The following FOXRED2 variants were observed in gnomAD, a reference collection of about 807,000 sequenced individuals.
FOXRED2 encodes FAD dependent oxidoreductase domain containing 2.
Under a neutral mutation model 52.5 loss-of-function variants are expected in FOXRED2, and 32 were observed. The ratio of observed to expected loss-of-function variants is 0.61; its 90% CI spans 0.46 to 0.82. The LOEUF (loss-of-function observed/expected upper bound fraction) is 0.82. FOXRED2 is among the 40% of genes least tolerant of loss of function. The probability of loss-of-function intolerance (pLI) is 0.00; values close to 1 mark genes in which losing one functional copy is unlikely to be tolerated. For synonymous variants in FOXRED2, 405 were observed against 398.1 expected, an observed-to-expected ratio of 1.02 and a Z score of -0.21; for missense variants, 848 against 937.5, an observed-to-expected ratio of 0.90 and a Z score of 1.25.
At chr22:36,495,123 G>A (rs909982268) in intron 7 of FOXRED2, among the ~76,000 whole-genome samples, 10 of 151,986 alleles carry the variant, frequency 6.6e-5, no homozygotes, top group African/African-American at 2.4e-4. Context: ...GCTAATTTTT[G>A]CATTTTTTTC....
intron 5 of FOXRED2, chr22:36,498,357 G>A: frequency 1.7e-6 from 1 of 588,426 alleles, no homozygotes; most frequent in Non-Finnish European, 3.0e-6. Flanking sequence ...GTATTTTCTG[G>A]AAAGGGCCAG....
intron 5 of FOXRED2, chr22:36,498,519 G>T: frequency 5.2e-6 from 1 of 193,378 alleles, no homozygotes; most frequent in South Asian, 1.3e-4. Context: ...CCTGCTTCAG[G>T]CCATCTGCAC....
intron 2 of FOXRED2, 105 bp from the exon 3 acceptor site, chr22:36,504,871 C>T: frequency 8.1e-7 from 1 of 1,237,790 alleles, no homozygotes; most frequent in South Asian, 1.5e-5. Context: ...GCTCCAACCG[C>T]CGGCCCCTAA....
Position 36,504,574 on chromosome 22 carries a change from A to G in FOXRED2, c.720T>C (p.His240=), listed in dbSNP as rs754544412. Residue 240 remains histidine, a synonymous_variant, in exon 3 of 9, where the codon CAT becomes CAC. Coordinates refer to ENST00000397224, the MANE Select transcript of FOXRED2 (RefSeq NM_001102371.2). ...ENILGVTNFI[H]MLSRSRVRLS... ...GACGGACCCGGGAGCGGCTGAGCATATGGATAAAGTTTGTGACACCCAAGA... is the reference window on the plus strand; with the variant it reads ...GACGGACCCGGGAGCGGCTGAGCATGTGGATAAAGTTTGTGACACCCAAGA... The G allele has an allele frequency of 6.2e-7, 1 of 1,614,176 alleles. No homozygotes were observed. Among genetic ancestry groups the G allele is most frequent in the Non-Finnish European group, 8.5e-7 (1 of 1,180,030 alleles).
intron 6 of FOXRED2, among the ~76,000 whole-genome samples, chr22:36,497,727 A>AC (rs1163970111): frequency 2.0e-5 from 3 of 152,046 alleles, no homozygotes; most frequent in African/African-American, 7.2e-5. Context: ...TCCTTCCTTT[A>AC]CTGCTGCAAG....
intron 7 of FOXRED2, 102 bp from the exon 8 acceptor site, chr22:36,493,905 G>T (rs893445624): frequency 9.9e-7 from 1 of 1,010,604 alleles, no homozygotes; most frequent in Non-Finnish European, 1.5e-6. Flanking sequence ...CACTTCCCTC[G>T]TTCACTCGTG....
intron 6 of FOXRED2, among the ~76,000 whole-genome samples, chr22:36,497,262 C>G (rs1933925400): frequency 6.6e-6 from 1 of 151,550 alleles, no homozygotes; most frequent in Admixed American, 6.6e-5. Flanking sequence ...AGTGCTTGAA[C>G]CCAGGAGGCA....
chr22:36,506,630 A>G (rs1934207960), intron 1 of FOXRED2: 1 of 492,686 alleles, frequency 2.0e-6, no homozygotes, highest in African/African-American at 2.4e-5. Flanking sequence ...CCTCCATCTT[A>G]TCTCCCTCAG....
Position 36,498,051 on chromosome 22 carries a change from T to C in FOXRED2, c.1322A>G (p.Asn441Ser), listed in dbSNP as rs761795678. The change falls in exon 6 of 9, where the codon AAT becomes AGT. Residue 441 changes from asparagine to serine, a missense_variant. Coordinates refer to ENST00000397224, the MANE Select transcript of FOXRED2 (RefSeq NM_001102371.2). Reference protein sequence around the residue: ...QLTSSIVRRVNEASGLYQMFG... With the variant: ...QLTSSIVRRVSEASGLYQMFG... ...CATCTGGTAGAGCCCAGAAGCCTCA[T>C]TCACGCGCCGCACGATGGAGCTGGT... 3 of 1,614,114 alleles carry C rather than the reference T, an allele frequency of 1.9e-6. No homozygotes were observed. Among genetic ancestry groups the C allele is most frequent in the Admixed American group, 1.7e-5 (1 of 60,020 alleles).
chr22:36,499,452 C>T (rs1008078898), intron 5 of FOXRED2, among the ~76,000 whole-genome samples: 4 of 151,848 alleles, frequency 2.6e-5, no homozygotes, highest in African/African-American at 9.7e-5. Flanking sequence ...CTTGTCTCTA[C>T]CACACAAAAA....
chr22:36,505,014 T>C (rs769298124), intron 2 of FOXRED2, among the ~76,000 whole-genome samples: 4 of 152,070 alleles, frequency 2.6e-5, no homozygotes, highest in Non-Finnish European at 4.4e-5. Flanking sequence ...GTACTGGGGG[T>C]TAAATTTGCC....
chr22:36,502,209 G>A (rs1264297884), intron 4 of FOXRED2, among the ~76,000 whole-genome samples: 1 of 150,366 alleles, frequency 6.7e-6, no homozygotes, highest in Non-Finnish European at 1.5e-5. Flanking sequence ...GTCAGGCCAG[G>A]CACAGTGGCT....
intron 7 of FOXRED2, among the ~76,000 whole-genome samples, chr22:36,495,572 C>G (rs1372056585): frequency 1.3e-5 from 2 of 152,196 alleles, no homozygotes; most frequent in Non-Finnish European, 2.9e-5. Flanking sequence ...TCCAAGGTCA[C>G]ACAGTGACAA....
At chr22:36,495,493 C>T (rs1043564536) in intron 7 of FOXRED2, among the ~76,000 whole-genome samples, 1 of 152,194 alleles carries the variant, frequency 6.6e-6, no homozygotes, top group South Asian at 2.1e-4. Context: ...TGGAACCCTA[C>T]AAGAAAGGTA....
intron 5 of FOXRED2, among the ~76,000 whole-genome samples, chr22:36,500,459 A>C (rs1167745283): frequency 6.6e-6 from 1 of 152,248 alleles, no homozygotes; most frequent in Non-Finnish European, 1.5e-5. Context: ...ATTTTAGTGC[A>C]ATAAATAGAA....
At chr22:36,506,935 C>CA (rs1934216682) in intron 1 of FOXRED2, 74 bp downstream of exon 1, 1 of 152,828 alleles carries the variant, frequency 6.5e-6, no homozygotes, top group East Asian at 1.9e-4. Flanking sequence ...GCGTGCGCTT[C>CA]AGGAGCCGCC....
intron 5 of FOXRED2, among the ~76,000 whole-genome samples, chr22:36,499,947 G>A (rs1394525727): frequency 1.3e-5 from 2 of 152,002 alleles, no homozygotes; most frequent in African/African-American, 2.4e-5. Context: ...GATTACAGGC[G>A]CCCGCCACCA....
In FOXRED2 at chr22:36,489,822, C is replaced by A. The variant is rs867003363; in HGVS notation, c.*186G>T. Reference sequence around the variant, plus strand: ...CTGCCCCCTGACAGGAGGGAGGAGACCACCGCATCCCCGACTTTCAGCCCT... The same window carrying A: ...CTGCCCCCTGACAGGAGGGAGGAGAACACCGCATCCCCGACTTTCAGCCCT... On this transcript the variant is annotated 3_prime_UTR_variant, in exon 9 of 9. Coordinates refer to ENST00000397224, the MANE Select transcript of FOXRED2 (RefSeq NM_001102371.2). 1.1e-4 allele frequency: 60 copies of A among 547,354 alleles called. No individual in the cohort carries two copies. The highest frequency in any genetic ancestry group is 1.0e-3 in the Middle Eastern group (2 of 1,986). 33.9% of individuals were successfully genotyped at this position (547,354 alleles called of 1,614,324 possible).
Position 36,489,965 on chromosome 22 carries a change from T to G in FOXRED2, c.*43A>C, listed in dbSNP as rs769516337. The G allele has an allele frequency of 6.6e-7, 1 of 1,509,090 alleles. No homozygotes were observed. The allele number at this position is 1,509,090 out of a possible 1,614,324, so 93.5% of individuals were successfully genotyped here. ...AAGAGGGACTGACCATGGGCCTAGG[T>G]GGGGAGGCCTGGCCACTGTGCCCAC... On this transcript the variant is annotated 3_prime_UTR_variant, in exon 9 of 9. Transcript: ENST00000397224.
Sources: allele counts gnomAD v4.1 joint callset (sites outside exome capture counted in the v4.1 genomes callset), GRCh38; gene constraint gnomAD v4.1.1; transcripts MANE v1.5; gene names NCBI Gene and HGNC (gene_info 2026-07-23, HGNC 2026-07-21).